Variants in ST3GAL1 observed in about 807,000 individuals in gnomAD.
ST3GAL1 encodes the protein ST3 beta-galactoside alpha-2,3-sialyltransferase 1, also known as CMP-N-acetylneuraminate-beta-galactosamide-alpha-2,3-sialyltransferase 1.
ST3GAL1 carries 16 observed loss-of-function variants against 34.1 expected under a neutral mutation model. The observed-to-expected ratio is 0.47, with a 90% CI of 0.32 to 0.71. The LOEUF is 0.71. Ranked by LOEUF, ST3GAL1 falls within the 30% of genes least tolerant of loss-of-function variation. The pLI is 0.04. For missense variants in ST3GAL1, 353 were observed against 447.4 expected (o/e 0.79, Z 1.90); for synonymous variants, 191 against 184.7 (o/e 1.03, Z -0.28).
At chr8:133,503,291 G>A (rs950462406) in intron 2 of ST3GAL1, among the ~76,000 whole-genome samples, 3 of 152,306 alleles carry the variant, frequency 2.0e-5, no homozygotes, top group East Asian at 1.9e-4. Flanking sequence ...CAGGAGAGCC[G>A]ACTTCCACTC....
rs759508817 is a variant in ST3GAL1, at chr8:133,464,834, G to A, written c.627C>T (p.Phe209=). The A allele has an allele frequency of 7.4e-6, 12 of 1,613,926 alleles. No individual in the cohort carries two copies. Among genetic ancestry groups the A allele is most frequent in the East Asian group, 2.2e-5 (1 of 44,882 alleles). The change falls in exon 7 of 10, where the codon TTC becomes TTT. Residue 209 remains phenylalanine, a synonymous_variant. Transcript: ENST00000522652. ...CCACCCACTCCAAGTCGATGGTCTTGAAGGGCACCAGGATCATGCTGACAT... is the reference window on the plus strand; with the variant it reads ...CCACCCACTCCAAGTCGATGGTCTTAAAGGGCACCAGGATCATGCTGACAT... ...GDNVSMILVP[F]KTIDLEWVVS...
rs12675578 is a variant in ST3GAL1, at chr8:133,544,806, T to C, written c.-429+968A>G. Reference sequence around the variant, plus strand: ...AATTTTAAAAGTTACTCCATTCTTATACTAGAGGGAGAGAGTGAGACAGTG... The same window carrying C: ...AATTTTAAAAGTTACTCCATTCTTACACTAGAGGGAGAGAGTGAGACAGTG... On this transcript the variant is annotated intron_variant, in intron 2 of 9. Coordinates refer to ENST00000522652, the MANE Select transcript of ST3GAL1 (RefSeq NM_173344.3). Among the ~76,000 whole-genome samples the C allele has an allele frequency of 0.023, 3,495 of 152,316 alleles. 215 individuals carry two copies. The East Asian group carries it at 0.24, about 10-fold the overall frequency.
chr8:133,520,169 G>A (rs546539403), intron 2 of ST3GAL1, among the ~76,000 whole-genome samples: 1 of 152,180 alleles, frequency 6.6e-6, no homozygotes, highest in Non-Finnish European at 1.5e-5. Flanking sequence ...GAAGGGAGCT[G>A]AAATTCTAGG....
At chr8:133,524,185 A>T (rs552734132) in intron 2 of ST3GAL1, among the ~76,000 whole-genome samples, 16 of 152,344 alleles carry the variant, frequency 1.1e-4, no homozygotes, top group Admixed American at 4.6e-4. Flanking sequence ...AACAATAATT[A>T]AAAAACCTAC....
chr8:133,569,774 C>A (rs6988039), intron 1 of ST3GAL1, among the ~76,000 whole-genome samples: 1 of 152,146 alleles, frequency 6.6e-6, no homozygotes, highest in African/African-American at 2.4e-5. Flanking sequence ...GCAGTTTCCA[C>A]AGCAGCCGGC....
Position 133,459,599 on chromosome 8 carries a change from G to T in ST3GAL1, c.*165C>A. 2 of 779,178 alleles carry T rather than the reference G, an allele frequency of 2.6e-6. No homozygotes were observed. The highest frequency in any genetic ancestry group is 3.9e-6 in the Non-Finnish European group (2 of 519,326). 48.3% of individuals were successfully genotyped at this position (779,178 alleles called of 1,614,324 possible). On this transcript the variant is annotated 3_prime_UTR_variant, in exon 10 of 10. Transcript: ENST00000522652. The surrounding 1 kb of genome is among the most constrained non-coding windows in gnomAD (Gnocchi z 4.7). ...CACGCTGGCAGAGCTTAGTGACCTT[G>T]CTGAGTAGATGCTGCCAACGGCTGG...
intron 5 of ST3GAL1, among the ~76,000 whole-genome samples, chr8:133,471,575 T>A (rs1270283596): frequency 5.3e-5 from 8 of 152,262 alleles, no homozygotes; most frequent in Non-Finnish European, 1.2e-4. Context: ...GTGAAGTGAG[T>A]TTCCCAGGAC....
chr8:133,495,689 C>T (rs1816923883), intron 3 of ST3GAL1, among the ~76,000 whole-genome samples: 1 of 152,176 alleles, frequency 6.6e-6, no homozygotes, highest in South Asian at 2.1e-4. Flanking sequence ...GGCTTGCTTG[C>T]TGTCTGCCAC....
intron 2 of ST3GAL1, among the ~76,000 whole-genome samples, chr8:133,539,114 A>G (rs1045362140): frequency 2.6e-5 from 4 of 152,186 alleles, no homozygotes; most frequent in Non-Finnish European, 4.4e-5. Context: ...AGCTCAGCTG[A>G]TTCCTGAGAA....
chr8:133,487,308 TA>T (rs1461850747), intron 3 of ST3GAL1, among the ~76,000 whole-genome samples: 1 of 143,202 alleles, frequency 7.0e-6, no homozygotes, highest in East Asian at 2.1e-4. Context: ...TATATATATA[TA>T]TAGTGCTTAG....
intron 3 of ST3GAL1, among the ~76,000 whole-genome samples, chr8:133,484,489 T>C (rs1010863001): frequency 2.5e-4 from 38 of 152,160 alleles, no homozygotes; most frequent in African/African-American, 7.7e-4. Context: ...GATCAATGTC[T>C]AAACGTTTCT....
At chr8:133,495,860 T>C (rs1816931164) in intron 3 of ST3GAL1, among the ~76,000 whole-genome samples, 1 of 152,188 alleles carries the variant, frequency 6.6e-6, no homozygotes, top group East Asian at 1.9e-4. Flanking sequence ...AATAATAAAG[T>C]CAAGAACTTT....
chr8:133,509,148 T>C (rs1817434511), intron 2 of ST3GAL1, among the ~76,000 whole-genome samples: 1 of 152,250 alleles, frequency 6.6e-6, no homozygotes, highest in African/African-American at 2.4e-5. Context: ...TGTTCCTAAC[T>C]AAATTAGCTA....
At chr8:133,514,648 T>C (rs1518893) in intron 2 of ST3GAL1, among the ~76,000 whole-genome samples, 36,037 of 152,010 alleles carry the variant, frequency 0.24, 4,511 homozygotes, top group African/African-American at 0.26. Flanking sequence ...CTCGTACTCC[T>C]GCATTCTCAG....
Position 133,541,120 on chromosome 8 carries a change from TAG to T in ST3GAL1, c.-429+4652_-429+4653del, listed in dbSNP as rs1554618899. ...ACATATATATATATATATATATATA[TAG>T]AGAGAGAGAGAGAGAGAGAGAGAGA... On this transcript the variant is annotated intron_variant, in intron 2 of 9. Coordinates refer to ENST00000522652, the MANE Select transcript of ST3GAL1 (RefSeq NM_173344.3). 0.012 allele frequency among the ~76,000 whole-genome samples: 580 copies of T among 48,626 alleles called. 43 individuals are homozygous for T. The East Asian group carries it at 0.15, about 12-fold the overall frequency. The allele number at this position is 48,626 out of a possible 152,430, so 31.9% of individuals were successfully genotyped here.
intron 2 of ST3GAL1, among the ~76,000 whole-genome samples, chr8:133,524,415 T>C (rs756676960): frequency 7.9e-5 from 12 of 152,122 alleles, no homozygotes; most frequent in Non-Finnish European, 1.8e-4. Flanking sequence ...GGTGAGCAGA[T>C]CCTGATGTCA....
intron 1 of ST3GAL1, among the ~76,000 whole-genome samples, chr8:133,550,007 C>T (rs949980807): frequency 6.6e-6 from 1 of 152,084 alleles, no homozygotes; most frequent in Admixed American, 6.6e-5. Flanking sequence ...AGAACTGCAC[C>T]CCATGTGGGG....
intron 3 of ST3GAL1, among the ~76,000 whole-genome samples, chr8:133,487,893 G>C (rs138710207): frequency 0.01 from 1,569 of 151,522 alleles, 28 homozygotes; most frequent in African/African-American, 0.035. Context: ...GCTTGAACCC[G>C]GGAGGCAGAG....
chr8:133,503,971 C>T (rs543838166), intron 2 of ST3GAL1, among the ~76,000 whole-genome samples: 1 of 152,294 alleles, frequency 6.6e-6, no homozygotes, highest in African/African-American at 2.4e-5. Flanking sequence ...GATGTCTACA[C>T]TGTACATGGA....
Sources: allele counts gnomAD v4.1 joint callset (sites outside exome capture counted in the v4.1 genomes callset), GRCh38; gene constraint gnomAD v4.1.1; non-coding constraint Gnocchi (gnomAD v3.1); transcripts MANE v1.5; gene names NCBI Gene and HGNC (gene_info 2026-07-23, HGNC 2026-07-21).